NCOA2: variants seen among roughly 807,000 people sequenced by gnomAD.
NCOA2 encodes the protein nuclear receptor coactivator 2, also known as class E basic helix-loop-helix protein 75.
In NCOA2, 21 loss-of-function variants were observed where a neutral mutation model predicts 145.1. The ratio of observed to expected loss-of-function variants is 0.14; its 90% CI spans 0.10 to 0.21. NCOA2 has a LOEUF of 0.21. Ranked by LOEUF, NCOA2 falls within the 10% of genes least tolerant of loss-of-function variation. NCOA2 has a pLI of 1.00. For missense variants in NCOA2, 1,472 were observed against 1,837.6 expected, an observed-to-expected ratio of 0.80 and a Z score of 3.64; for synonymous variants, 619 against 637.5, an observed-to-expected ratio of 0.97 and a Z score of 0.44.
intron 1 of NCOA2, among the ~76,000 whole-genome samples, chr8:70,391,960 A>T (rs1007450889): frequency 6.6e-6 from 1 of 152,250 alleles, no homozygotes; most frequent in Non-Finnish European, 1.5e-5. Context: ...ATGAAGAATC[A>T]TATCTGTAAT....
At chr8:70,410,471 C>G in the NCOA2 span, among the ~76,000 whole-genome samples, 1 of 152,114 alleles carries the variant, frequency 6.6e-6, no homozygotes, top group Non-Finnish European at 1.5e-5. Flanking sequence ...GCTGGGACTA[C>G]AGGTGTGTGC....
rs1163172306 is a variant in NCOA2, at chr8:70,241,810, C to T, written c.-19-25046G>A. ...ATTAATATATGTAAGGTCCATAGAA[C>T]AGGACCTGGCATGTAAGTTCTACAT... On this transcript the variant is annotated intron_variant, in intron 2 of 22. Transcript: ENST00000452400. 2.6e-5 allele frequency among the ~76,000 whole-genome samples: 4 copies of T among 152,140 alleles called. No individual in the cohort carries two copies. The East Asian group carries it at 5.8e-4, about 22-fold the overall frequency.
At chr8:70,308,639 T>G (rs1828076718) in intron 1 of NCOA2, among the ~76,000 whole-genome samples, 2 of 152,320 alleles carry the variant, frequency 1.3e-5, no homozygotes, top group South Asian at 4.2e-4. Context: ...AGTTCTTATT[T>G]CTATCAAAAG....
At chr8:70,403,109 C>G (rs965913099) in intron 1 of NCOA2, among the ~76,000 whole-genome samples, 1 of 150,472 alleles carries the variant, frequency 6.6e-6, no homozygotes, top group African/African-American at 2.4e-5. Context: ...CCCAGCACTT[C>G]CCGAGTCCTG....
rs761835971 is a variant in NCOA2 at position 70,124,729 on chromosome 8, G to A, written c.4053C>T (p.Ser1351=). 7.7e-5 allele frequency: 124 copies of A among 1,612,762 alleles called. No individual in the cohort carries two copies. In the Admixed American group the frequency reaches 8.2e-4, roughly 11 times the overall value. The part of the protein sequence containing the change: ...SQANPAYQAP[S]DINGWAQGNM... ...TCCCCTGCGCCCATCCATTTATGTCGGAGGGGGCCTGATAGGCTGGGTTGG... is the reference window on the plus strand; with the variant it reads ...TCCCCTGCGCCCATCCATTTATGTCAGAGGGGGCCTGATAGGCTGGGTTGG... Residue 1351 remains serine, a synonymous_variant, in exon 20 of 23, where the codon TCC becomes TCT. Transcript: ENST00000452400.
At chr8:70,275,593 A>G (rs1161969423) in intron 2 of NCOA2, among the ~76,000 whole-genome samples, 2 of 152,132 alleles carry the variant, frequency 1.3e-5, no homozygotes, top group Non-Finnish European at 2.9e-5. Context: ...TTAAAAAAAC[A>G]AACAGCTAAC....
intron 1 of NCOA2, among the ~76,000 whole-genome samples, chr8:70,386,189 TA>T (rs1284731402): frequency 2.0e-5 from 3 of 152,232 alleles, no homozygotes; most frequent in African/African-American, 7.2e-5. Flanking sequence ...AAACTCTCTT[TA>T]AAATTACAAA....
intron 4 of NCOA2, among the ~76,000 whole-genome samples, chr8:70,177,018 G>A (rs1196370186): frequency 6.6e-6 from 1 of 152,208 alleles, no homozygotes; most frequent in Non-Finnish European, 1.5e-5. Flanking sequence ...ATTGTCTTCA[G>A]TGTTGCAGCA....
At chr8:70,450,005 C>T in the NCOA2 span, among the ~76,000 whole-genome samples, 11 of 151,902 alleles carry the variant, frequency 7.2e-5, no homozygotes, top group Non-Finnish European at 1.3e-4. Context: ...TAATATATAC[C>T]TTTTTTTTAT....
At chr8:70,431,054 C>G in the NCOA2 span, among the ~76,000 whole-genome samples, 1 of 152,082 alleles carries the variant, frequency 6.6e-6, no homozygotes, top group Non-Finnish European at 1.5e-5. Flanking sequence ...GACATTAAAA[C>G]ACTAAACTCT....
At chr8:70,191,288 A>G (rs1004606627) in intron 4 of NCOA2, among the ~76,000 whole-genome samples, 13 of 152,248 alleles carry the variant, frequency 8.5e-5, no homozygotes, top group African/African-American at 3.1e-4. Context: ...ATCAAAGATA[A>G]AACTTCTATC....
At chr8:70,126,750 C>T in intron 19 of NCOA2, 63 bp downstream of exon 19, 1 of 1,389,476 alleles carries the variant, frequency 7.2e-7, no homozygotes, top group Non-Finnish European at 1.0e-6. Flanking sequence ...AGCTGTGACC[C>T]AACACTGGGG....
intron 1 of NCOA2, among the ~76,000 whole-genome samples, chr8:70,337,222 TG>T (rs1807687449): frequency 1.3e-5 from 2 of 151,976 alleles, no homozygotes; most frequent in Non-Finnish European, 2.9e-5. Context: ...TGTGTGTGTG[TG>T]TGTGTGTGGT....
intron 4 of NCOA2, among the ~76,000 whole-genome samples, chr8:70,187,253 CA>C (rs1313584797): frequency 2.0e-5 from 3 of 152,206 alleles, no homozygotes; most frequent in African/African-American, 7.2e-5. Flanking sequence ...TAACAAAGGC[CA>C]ACCAACATTT....
chr8:70,196,145 AG>A (rs1166896245), intron 4 of NCOA2, among the ~76,000 whole-genome samples: 1 of 152,184 alleles, frequency 6.6e-6, no homozygotes, highest in Admixed American at 6.5e-5. Flanking sequence ...TGGGAGGCCA[AG>A]GCAGGCAGAT....
At chr8:70,353,850 T>C (rs992909431) in intron 1 of NCOA2, among the ~76,000 whole-genome samples, 3 of 152,176 alleles carry the variant, frequency 2.0e-5, no homozygotes, top group African/African-American at 4.8e-5. Flanking sequence ...AACTCCCCAT[T>C]AAGACCTTTA....
At chr8:70,211,105 G>A (rs1398724786) in intron 4 of NCOA2, among the ~76,000 whole-genome samples, 1 of 152,138 alleles carries the variant, frequency 6.6e-6, no homozygotes, top group East Asian at 1.9e-4. Context: ...CCCAAACAGA[G>A]CTGCTGATGG....
chr8:70,161,990 T>C (rs1453513871), intron 9 of NCOA2, among the ~76,000 whole-genome samples: 1 of 151,896 alleles, frequency 6.6e-6, no homozygotes, highest in African/African-American at 2.4e-5. Flanking sequence ...GTGACCAAAA[T>C]GAGCTCAGAT....
chr8:70,245,736 A>G (rs1212601351), intron 2 of NCOA2, among the ~76,000 whole-genome samples: 1 of 152,148 alleles, frequency 6.6e-6, no homozygotes, highest in Admixed American at 6.6e-5. Flanking sequence ...TGCTCAAAAC[A>G]AACATTCTGA....
Sources: gnomAD v4.1 joint callset for allele counts (sites outside exome capture counted in the v4.1 genomes callset) on GRCh38, gnomAD v4.1.1 for gene constraint, MANE v1.5 for transcripts, NCBI Gene and HGNC (gene_info 2026-07-23, HGNC 2026-07-21) for gene names.